The following NEK10 variants were observed in gnomAD, a reference collection of about 807,000 sequenced individuals.
The protein encoded by NEK10 is NIMA related kinase 10.
NEK10 carries 122 observed loss-of-function variants against 159.8 expected under a neutral mutation model. The observed-to-expected ratio is 0.76, with a 90% CI of 0.66 to 0.89. The LOEUF (loss-of-function observed/expected upper bound fraction) is 0.89, where lower values mean the gene tolerates loss of function less well. Among genes scored for constraint, NEK10 ranks in the 40% least tolerant of loss-of-function variants. The pLI is 0.00. For synonymous variants in NEK10, 466 were observed against 457.1 expected, an observed-to-expected ratio of 1.02 and a Z score of -0.25; for missense variants, 1,342 against 1,323.1, an observed-to-expected ratio of 1.01 and a Z score of -0.22.
chr3:27,192,738 A>G (rs1949228206), intron 25 of NEK10, among the ~76,000 whole-genome samples: 1 of 152,166 alleles, frequency 6.6e-6, no homozygotes, highest in South Asian at 2.1e-4. Context: ...ATAAAAAAAA[A>G]GCAACGTAAA....
At chr3:27,132,531 T>C (rs549327725) in intron 31 of NEK10, among the ~76,000 whole-genome samples, 1 of 152,214 alleles carries the variant, frequency 6.6e-6, no homozygotes, top group African/African-American at 2.4e-5. Flanking sequence ...AAAGAGAGGA[T>C]AGATTAGCAT....
At chr3:27,266,726 G>C (rs559395160) in intron 22 of NEK10, among the ~76,000 whole-genome samples, 2 of 152,076 alleles carry the variant, frequency 1.3e-5, no homozygotes, top group South Asian at 4.1e-4. Context: ...TCTCTCCTTC[G>C]CCAGCTGGCT....
chr3:27,265,985 T>G (rs1235733562), intron 22 of NEK10, among the ~76,000 whole-genome samples: 3 of 151,992 alleles, frequency 2.0e-5, no homozygotes, highest in African/African-American at 7.3e-5. Flanking sequence ...TTTTTTGTAT[T>G]TTTAGTAAAG....
rs1939156481 is a variant in NEK10, at chr3:27,107,906, G to GAATACATACATATTCAAA, written c.*3365_*3366insTTTGAATATGTATGTATT. ...GATTCCTCACCACTTCAAAAAAAGA[G>GAATACATACATATTCAAA]AAAAATAGCAATACATACATGCTAT... On this transcript the variant is annotated 3_prime_UTR_variant, in exon 36 of 36. Coordinates refer to ENST00000691995, the MANE Select transcript of NEK10 (RefSeq NM_001394966.1). 6.6e-6 allele frequency among the ~76,000 whole-genome samples: 1 copy of GAATACATACATATTCAAA among 152,144 alleles called. No homozygotes were observed. The highest frequency in any genetic ancestry group is 1.5e-5 in the Non-Finnish European group (1 of 68,018).
intron 25 of NEK10, 29 bp from the exon 26 acceptor site, chr3:27,192,271 T>G: frequency 6.4e-7 from 1 of 1,557,694 alleles, no homozygotes; most frequent in Non-Finnish European, 8.9e-7. Context: ...ATTATAACAC[T>G]CTGGTCAATG....
At chr3:27,179,812 G>T (rs1479766856) in intron 26 of NEK10, among the ~76,000 whole-genome samples, 1 of 152,172 alleles carries the variant, frequency 6.6e-6, no homozygotes, top group Non-Finnish European at 1.5e-5. Context: ...TGGGCGTGGT[G>T]GTTCACACCT....
intron 29 of NEK10, among the ~76,000 whole-genome samples, chr3:27,168,686 C>T (rs1203470290): frequency 6.6e-6 from 1 of 152,178 alleles, no homozygotes; most frequent in African/African-American, 2.4e-5. Flanking sequence ...TTGTCTTAAA[C>T]AAACCTGTGT....
At chr3:27,155,218 T>C (rs1945277942) in intron 30 of NEK10, among the ~76,000 whole-genome samples, 1 of 152,070 alleles carries the variant, frequency 6.6e-6, no homozygotes, top group Admixed American at 6.6e-5. Flanking sequence ...AAAGTACAAA[T>C]ACTGGCTGGG....
chr3:27,357,242 G>T (rs982878724), intron 1 of NEK10, among the ~76,000 whole-genome samples: 1 of 152,158 alleles, frequency 6.6e-6, no homozygotes, highest in African/African-American at 2.4e-5. Context: ...AGAGAATGGT[G>T]AGTTGTAGGC....
chr3:27,165,829 T>C (rs1946422768), intron 29 of NEK10, among the ~76,000 whole-genome samples: 1 of 152,204 alleles, frequency 6.6e-6, no homozygotes, highest in Admixed American at 6.5e-5. Flanking sequence ...CTGAATTAAG[T>C]CAAGAGCACG....
Position 27,205,724 on chromosome 3 carries a change from T to C in NEK10, c.2091-3167A>G, listed in dbSNP as rs1440881521. Among the ~76,000 whole-genome samples the C allele has an allele frequency of 9.7e-4, 126 of 130,188 alleles. 2 individuals are homozygous for C. The highest frequency in any genetic ancestry group is 3.8e-3 in the African/African-American group (123 of 32,150). 85.4% of individuals were successfully genotyped at this position (130,188 alleles called of 152,430 possible). ...AAATCAATTCAAGATGGATTAAAGATTTAAACGTTAGACCTAAAACCATAA... is the reference window on the plus strand; with the variant it reads ...AAATCAATTCAAGATGGATTAAAGACTTAAACGTTAGACCTAAAACCATAA... On this transcript the variant is annotated intron_variant, in intron 23 of 35. Transcript: ENST00000691995.
chr3:27,326,074 C>A (rs2045977255), intron 5 of NEK10, among the ~76,000 whole-genome samples: 1 of 152,208 alleles, frequency 6.6e-6, no homozygotes, highest in Admixed American at 6.5e-5. Flanking sequence ...GACTTCAGAT[C>A]AGACATACCC....
intron 22 of NEK10, chr3:27,278,762 C>T: frequency 1.0e-6 from 1 of 985,162 alleles, no homozygotes; most frequent in Non-Finnish European, 1.2e-6. Context: ...TTGAAAAGGT[C>T]AAGAAATCTG....
chr3:27,211,723 G>A (rs995811777), intron 23 of NEK10, among the ~76,000 whole-genome samples: 4 of 152,178 alleles, frequency 2.6e-5, no homozygotes, highest in South Asian at 2.1e-4. Context: ...CCAGGAGCAC[G>A]TAGTAGAATA....
rs761740273 is a variant in NEK10, at chr3:27,363,997, C to T, written c.-38+5228G>A. ...AACATGCCTATGACAAGGTGGCAGT[C>T]GGGACTAAATAAAATAGTGACACCT... On this transcript the variant is annotated intron_variant, in intron 1 of 35. Coordinates refer to ENST00000691995, the MANE Select transcript of NEK10 (RefSeq NM_001394966.1). Among the ~76,000 whole-genome samples, 8 of 151,794 alleles carry T rather than the reference C, an allele frequency of 5.3e-5. No individual in the cohort carries two copies. The South Asian group carries it at 6.3e-4, about 12-fold the overall frequency.
chr3:27,176,526 C>A (rs1474136734), intron 26 of NEK10, among the ~76,000 whole-genome samples: 2 of 152,284 alleles, frequency 1.3e-5, no homozygotes, highest in South Asian at 4.1e-4. Flanking sequence ...ACCCCTGATA[C>A]CAAATCCAGG....
At chr3:27,116,190 C>A in intron 33 of NEK10, 63 bp from the exon 34 acceptor site, 2 of 1,478,192 alleles carry the variant, frequency 1.4e-6, no homozygotes, top group Non-Finnish European at 9.4e-7. Context: ...TTATTCTTTA[C>A]TGGCAATTAT....
At chr3:27,350,078 C>T (rs1430740772) in intron 3 of NEK10, among the ~76,000 whole-genome samples, 1 of 152,162 alleles carries the variant, frequency 6.6e-6, no homozygotes, top group Non-Finnish European at 1.5e-5. Context: ...TCCTCTGTAA[C>T]CTGAATTTGG....
At chr3:27,165,788 T>C (rs1336990805) in intron 29 of NEK10, among the ~76,000 whole-genome samples, 1 of 152,182 alleles carries the variant, frequency 6.6e-6, no homozygotes, top group Non-Finnish European at 1.5e-5. Flanking sequence ...ATCTAGGAAT[T>C]AGCATCGTAA....
Sources: allele counts gnomAD v4.1 joint callset (sites outside exome capture counted in the v4.1 genomes callset), GRCh38; gene constraint gnomAD v4.1.1; transcripts MANE v1.5; gene names NCBI Gene and HGNC (gene_info 2026-07-23, HGNC 2026-07-21).